The following DDX42 variants were observed in gnomAD, a reference collection of about 807,000 sequenced individuals.
DDX42 encodes ATP-dependent RNA helicase DDX42.
A neutral mutation model predicts 101.5 loss-of-function variants in DDX42; 22 were observed. The observed-to-expected ratio is 0.22, with a 90% CI of 0.15 to 0.31. The LOEUF is 0.31. DDX42 is among the 10% of genes least tolerant of loss of function. The pLI, the probability that DDX42 is intolerant of heterozygous loss-of-function variation, is 1.00. For synonymous variants in DDX42, 402 were observed against 401.2 expected (o/e 1.00, Z -0.02); for missense variants, 849 against 1,199.9 (o/e 0.71, Z 4.32).
chr17:63,797,363 A>AG (rs1265965525), intron 3 of DDX42, among the ~76,000 whole-genome samples: 1 of 151,832 alleles, frequency 6.6e-6, no homozygotes, highest in African/African-American at 2.4e-5. Flanking sequence ...AAAAAAAAAA[A>AG]AAAAAAAGAA....
At chr17:63,790,904 G>T (rs2039619608) in intron 2 of DDX42, among the ~76,000 whole-genome samples, 1 of 152,220 alleles carries the variant, frequency 6.6e-6, no homozygotes, top group Non-Finnish European at 1.5e-5. Flanking sequence ...CTGCACTGCA[G>T]CCTGGGCGAC....
In DDX42 at chr17:63,813,528, A is replaced by T. The variant is rs576550054; in HGVS notation, c.1902+74A>T. On this transcript the variant is annotated intron_variant, in intron 15 of 17. Coordinates refer to ENST00000389924, the MANE Select transcript of DDX42 (RefSeq NM_203499.3). Reference sequence around the variant, plus strand: ...CATTTTAGCAGTCCTGGAACAGATAACATAAAAACTTGACAAGAAAGTTGG... The same window carrying T: ...CATTTTAGCAGTCCTGGAACAGATATCATAAAAACTTGACAAGAAAGTTGG... 13 of 1,389,448 alleles carry T rather than the reference A, an allele frequency of 9.4e-6. No homozygotes were observed. In the South Asian group the frequency reaches 1.6e-4, roughly 17 times the overall value. 86.1% of individuals were successfully genotyped at this position (1,389,448 alleles called of 1,614,324 possible). A position where few individuals can be genotyped will look rare whatever the true frequency, so the allele number is the denominator to read the frequency against.
intron 1 of DDX42, among the ~76,000 whole-genome samples, chr17:63,778,023 A>G (rs1458296442): frequency 1.3e-5 from 2 of 152,204 alleles, no homozygotes; most frequent in Non-Finnish European, 2.9e-5. Flanking sequence ...GTGGAGAGCT[A>G]TGGAATTGAG....
intron 1 of DDX42, among the ~76,000 whole-genome samples, chr17:63,777,048 A>C (rs1324594233): frequency 6.6e-6 from 1 of 152,144 alleles, no homozygotes; most frequent in Non-Finnish European, 1.5e-5. Flanking sequence ...CTAGGACTAC[A>C]GGCGTGTGCC....
In DDX42 at chr17:63,775,091, C is replaced by A. The variant is rs1284415175; in HGVS notation, c.-17+715C>A. 3 of 152,650 alleles carry A rather than the reference C, an allele frequency of 2.0e-5. No individual in the cohort carries two copies. The South Asian group carries it at 6.2e-4, about 32-fold the overall frequency. 9.5% of individuals were successfully genotyped at this position (152,650 alleles called of 1,614,324 possible). ...AATGATGTTTCTATGTCTGTCCTCT[C>A]TCGTATACACACCCAGGACTTCCTC... On this transcript the variant is annotated intron_variant, in intron 1 of 17. Transcript: ENST00000389924.
intron 6 of DDX42, among the ~76,000 whole-genome samples, chr17:63,803,761 T>G (rs1401509925): frequency 6.6e-6 from 1 of 151,588 alleles, no homozygotes; most frequent in Non-Finnish European, 1.5e-5. Context: ...GAGATTCTCC[T>G]GCCTCAGCCT....
rs764772942 is a variant in DDX42 at position 63,799,634 on chromosome 17, C to G, written c.471+9C>G. The G allele has an allele frequency of 6.2e-7, 1 of 1,611,566 alleles. No individual in the cohort carries two copies. The highest frequency in any genetic ancestry group is 8.5e-7 in the Non-Finnish European group (1 of 1,178,400). On this transcript the variant is annotated intron_variant, in intron 5 of 17. Transcript: ENST00000389924. The stretch of plus-strand genomic sequence containing the variant: ...AAGAGGAAGATGACCAAGTGAGTTC[C>G]TATGCAGTATTTCTATCTTTTATTT...
In DDX42 at chr17:63,774,261, AG is replaced by A; in HGVS notation, c.-127del. 1 of 295,934 alleles carries A rather than the reference AG, an allele frequency of 3.4e-6. No homozygotes were observed. Among genetic ancestry groups the A allele is most frequent in the Non-Finnish European group, 6.1e-6 (1 of 164,184 alleles). The allele number at this position is 295,934 out of a possible 1,614,324, so 18.3% of individuals were successfully genotyped here. On this transcript the variant is annotated 5_prime_UTR_variant, in exon 1 of 18. Transcript: ENST00000389924. ...GTGGTGGTGGCGGCGGCGGCGGCGAAGGGGGCGGAGAGGAAGGAGCGCGGCG... is the reference window on the plus strand; with the variant it reads ...GTGGTGGTGGCGGCGGCGGCGGCGAAGGGGCGGAGAGGAAGGAGCGCGGCG...
chr17:63,804,291 T>C (rs901359792), intron 6 of DDX42, among the ~76,000 whole-genome samples: 4 of 151,462 alleles, frequency 2.6e-5, no homozygotes, highest in Non-Finnish European at 4.4e-5. Context: ...AAAAAAAAAA[T>C]AGTTTATAAA....
chr17:63,777,294 C>T (rs992024393), intron 1 of DDX42, among the ~76,000 whole-genome samples: 2 of 151,310 alleles, frequency 1.3e-5, no homozygotes, highest in Non-Finnish European at 3.0e-5. Context: ...TGTAGATCTC[C>T]TTTAGTCTTT....
chr17:63,813,260 G>A lies in DDX42; in HGVS notation c.1708G>A (p.Val570Ile), dbSNP rs1368867978. The A allele has an allele frequency of 1.9e-6, 3 of 1,613,290 alleles. No individual in the cohort carries two copies. Among genetic ancestry groups the A allele is most frequent in the Non-Finnish European group, 2.5e-6 (3 of 1,179,358 alleles). Reference sequence around the variant, plus strand: ...TCTGGACATTCCTTCAATTAAGACTGTCATTAACTATGATGTGGCACGAGA... The same window carrying A: ...TCTGGACATTCCTTCAATTAAGACTATCATTAACTATGATGTGGCACGAGA... The part of the protein sequence containing the change: ...RGLDIPSIKT[V>I]INYDVARDID... The change falls in exon 15 of 18, where the codon GTC becomes ATC. Residue 570 changes from valine to isoleucine, a missense_variant. Coordinates refer to ENST00000389924, the MANE Select transcript of DDX42 (RefSeq NM_203499.3).
chr17:63,815,403 A>G (rs2039964788), intron 15 of DDX42, among the ~76,000 whole-genome samples, 160 bp from the exon 16 acceptor site: 1 of 152,160 alleles, frequency 6.6e-6, no homozygotes, highest in South Asian at 2.1e-4. Context: ...CCAAAGAGAA[A>G]CCAATCTGTG....
intron 14 of DDX42, among the ~76,000 whole-genome samples, 176 bp downstream of exon 14, chr17:63,812,384 C>T (rs1411892296): frequency 6.6e-6 from 1 of 152,186 alleles, no homozygotes; most frequent in Non-Finnish European, 1.5e-5. Context: ...CAGTCTGGAG[C>T]TCTAGATACC....
intron 1 of DDX42, among the ~76,000 whole-genome samples, chr17:63,779,087 C>G (rs532041375): frequency 9.2e-4 from 140 of 152,188 alleles, no homozygotes; most frequent in African/African-American, 3.3e-3. Context: ...TAAACAAATA[C>G]TCATTAAACT....
At chr17:63,777,694 C>T (rs184463588) in intron 1 of DDX42, among the ~76,000 whole-genome samples, 12 of 152,014 alleles carry the variant, frequency 7.9e-5, no homozygotes, top group African/African-American at 1.9e-4. Context: ...GTGATCCACC[C>T]GTCTCGGCCT....
intron 13 of DDX42, 34 bp downstream of exon 13, chr17:63,811,207 G>A: frequency 6.8e-7 from 1 of 1,477,888 alleles, no homozygotes; most frequent in Non-Finnish European, 9.3e-7. Flanking sequence ...GGACCTTAAT[G>A]GGTTTATTTC....
At chr17:63,804,084 T>A (rs2039808444) in intron 6 of DDX42, among the ~76,000 whole-genome samples, 1 of 152,190 alleles carries the variant, frequency 6.6e-6, no homozygotes, top group South Asian at 2.1e-4. Flanking sequence ...TTCCAATTTT[T>A]TTTATGTATC....
At chr17:63,805,952 T>TG (rs1185535751) in intron 7 of DDX42, 7 of 152,386 alleles carry the variant, frequency 4.6e-5, no homozygotes, top group African/African-American at 1.4e-4. Context: ...GTTACCACTT[T>TG]GGGGGACAAA....
chr17:63,790,675 A>G (rs1036757439), intron 2 of DDX42, among the ~76,000 whole-genome samples: 1 of 152,146 alleles, frequency 6.6e-6, no homozygotes, highest in African/African-American at 2.4e-5. Flanking sequence ...CAGGAGAATC[A>G]CTGGAACCTG....
Sources: gnomAD v4.1 joint callset for allele counts (sites outside exome capture counted in the v4.1 genomes callset) on GRCh38, gnomAD v4.1.1 for gene constraint, MANE v1.5 for transcripts, NCBI Gene and HGNC (gene_info 2026-07-23, HGNC 2026-07-21) for gene names.